BEST3: variants seen among roughly 807,000 people sequenced by gnomAD.
BEST3 encodes bestrophin-3.
BEST3 carries 50 observed loss-of-function variants against 47.1 expected under a neutral mutation model. The observed-to-expected ratio is 1.06, with a 90% CI of 0.85 to 1.34. The LOEUF is 1.34. Among genes scored for constraint, BEST3 ranks in the 40% most tolerant of loss-of-function variants. BEST3 has a pLI of 0.00. For missense variants in BEST3, 765 were observed against 817.0 expected (o/e 0.94, Z 0.78); for synonymous variants, 282 against 298.8 (o/e 0.94, Z 0.58).
chr12:69,698,172 C>A (rs1230784343), intron 1 of BEST3, among the ~76,000 whole-genome samples: 1 of 152,166 alleles, frequency 6.6e-6, no homozygotes, highest in Non-Finnish European at 1.5e-5. Context: ...GGTTTGATTG[C>A]ATGTAGATGT....
chr12:69,675,958 CATT>C (rs1367577620), intron 7 of BEST3, among the ~76,000 whole-genome samples: 3 of 152,200 alleles, frequency 2.0e-5, no homozygotes, highest in Non-Finnish European at 4.4e-5. Context: ...TGCATATCAT[CATT>C]GCCTTTGAAT....
intron 9 of BEST3, among the ~76,000 whole-genome samples, chr12:69,667,103 TA>T (rs1884270012): frequency 6.6e-6 from 1 of 152,178 alleles, no homozygotes; most frequent in African/African-American, 2.4e-5. Context: ...ACCTGGCCTA[TA>T]AAACCCTCCA....
chr12:69,676,922 C>T lies in BEST3; in HGVS notation c.861G>A (p.Trp287Ter), dbSNP rs759601669. 14 of 1,613,420 alleles carry T rather than the reference C, an allele frequency of 8.7e-6. No homozygotes were observed. Among genetic ancestry groups the T allele is most frequent in the Non-Finnish European group, 1.2e-5 (14 of 1,179,738 alleles). The change falls in exon 7 of 10, where the codon TGG (tryptophan) becomes TGA (stop). Residue 287 changes from tryptophan (W) to a stop codon, truncating the protein, a stop_gained. Coordinates refer to ENST00000330891, the MANE Select transcript of BEST3 (RefSeq NM_032735.3). LOFTEE classifies it high-confidence loss of function. ...TLLQFFFYAG[W>*]LKVAEQLINP... ...CCCTGAGACCACTGGCTACCTTAAG[C>T]CATCCTGCATAGAAGAAGAATTGTA...
intron 9 of BEST3, among the ~76,000 whole-genome samples, chr12:69,645,756 T>C (rs760041714): frequency 6.6e-6 from 1 of 151,874 alleles, no homozygotes; most frequent in Admixed American, 6.6e-5. Flanking sequence ...ATTGAAGTGA[T>C]ATATATAAAA....
At position 69,655,729 on chromosome 12, in the gene BEST3, G is replaced by A; in HGVS notation, c.1185C>T (p.Val395=). The A allele has an allele frequency of 6.2e-7, 1 of 1,613,898 alleles. No homozygotes were observed. The highest frequency in any genetic ancestry group is 2.2e-5 in the East Asian group (1 of 44,866). ...GTTCGTGGGCACTCAGGAACCGCTT[G>A]ACTCTTCTTATCATGGAATGCCGAT... ...HGHRHSMIRR[V]KRFLSAHEHP... The change falls in exon 10 of 10, where the codon GTC becomes GTT. Residue 395 remains valine, a synonymous_variant. Coordinates refer to ENST00000330891, the MANE Select transcript of BEST3 (RefSeq NM_032735.3).
chr12:69,643,780 T>A, exon 10 of BEST3: 1 of 715,444 alleles, frequency 1.4e-6, no homozygotes, highest in Non-Finnish European at 2.6e-6. Flanking sequence ...TTCTTAGGCA[T>A]CTGTTTCCTG....
At chr12:69,643,894 A>T (rs1487256489) in intron 9 of BEST3, 2 of 522,008 alleles carry the variant, frequency 3.8e-6, no homozygotes, top group Admixed American at 3.4e-5. Flanking sequence ...AGGCCACCAC[A>T]CATTTAATGT....
chr12:69,675,133 T>A (rs1478879263), intron 7 of BEST3, among the ~76,000 whole-genome samples: 2 of 152,060 alleles, frequency 1.3e-5, no homozygotes, highest in South Asian at 2.1e-4. Flanking sequence ...TTATTTTTTT[T>A]ATTTTAGACA....
Position 69,672,981 on chromosome 12 carries a change from T to G in BEST3, c.868-16A>C, listed in dbSNP as rs765761200. 1.8e-5 allele frequency: 28 copies of G among 1,588,996 alleles called. No individual in the cohort carries two copies. The highest frequency in any genetic ancestry group is 2.2e-5 in the East Asian group (1 of 44,728). ...GCTCTGCTACCTGTAGTTGAGAACATAAAATAAATCCATCATGATACCTGT... is the reference window on the plus strand; with the variant it reads ...GCTCTGCTACCTGTAGTTGAGAACAGAAAATAAATCCATCATGATACCTGT... On this transcript the variant is annotated splice_polypyrimidine_tract_variant and intron_variant, in intron 7 of 9. Transcript: ENST00000330891.
intron 9 of BEST3, among the ~76,000 whole-genome samples, chr12:69,657,186 C>G (rs1458505618): frequency 6.7e-6 from 1 of 150,106 alleles, no homozygotes; most frequent in African/African-American, 2.5e-5. Context: ...ACCTCTGTCT[C>G]CCAGGTTCAA....
rs780627201 is a variant in BEST3, at chr12:69,678,819, T to A, written c.556A>T (p.Ile186Phe). Residue 186 changes from isoleucine (I) to phenylalanine (F), a missense_variant, in exon 5 of 10, where the codon ATC (isoleucine) becomes TTC (phenylalanine). By Grantham distance (21) the Ile-to-Phe change is conservative. Coordinates refer to ENST00000330891, the MANE Select transcript of BEST3 (RefSeq NM_032735.3). ...TTAGTTGCAAGATTTCCAAACCAGATGAATGGAACCCAATATTTCAGATGA... is the reference window on the plus strand; with the variant it reads ...TTAGTTGCAAGATTTCCAAACCAGAAGAATGGAACCCAATATTTCAGATGA... Reference protein sequence around the residue: ...SPHLKYWVPFIWFGNLATKAR... With the variant: ...SPHLKYWVPFFWFGNLATKAR... 12 of 1,613,858 alleles carry A rather than the reference T, an allele frequency of 7.4e-6. No homozygotes were observed. In the African/African-American group the frequency reaches 1.5e-4, roughly 20 times the overall value.
At chr12:69,657,896 C>G (rs1287171007) in intron 9 of BEST3, among the ~76,000 whole-genome samples, 1 of 152,136 alleles carries the variant, frequency 6.6e-6, no homozygotes, top group Non-Finnish European at 1.5e-5. Flanking sequence ...GCCTTCTGAC[C>G]CACCCTCCAC....
chr12:69,697,771 CT>C lies in BEST3; in HGVS notation c.27del (p.Ala10GlnfsTer37). The C allele has an allele frequency of 6.8e-6, 11 of 1,612,370 alleles. No homozygotes were observed. The highest frequency in any genetic ancestry group is 9.3e-6 in the Non-Finnish European group (11 of 1,179,362). MTVTYSSK[V>X]ANATFFGFHR... The stretch of plus-strand genomic sequence containing the variant: ...TGAAATCCAAAAAAAGTTGCATTTG[CT>C]ACTTTACTGGAGTAAGTGACAGTCA... On this transcript the variant is annotated frameshift_variant, in exon 2 of 10. Coordinates refer to ENST00000330891, the MANE Select transcript of BEST3 (RefSeq NM_032735.3). LOFTEE classifies it high-confidence loss of function.
intron 4 of BEST3, among the ~76,000 whole-genome samples, chr12:69,686,786 A>AAAAAAAAAAAAAAAAAAG (rs371159662): frequency 7.7e-5 from 11 of 143,274 alleles, no homozygotes; most frequent in South Asian, 2.2e-4. Flanking sequence ...AAACAAAAAA[A>AAAAAAAAAAAAAAAAAAG]AAAGAAAGAA....
rs868402513 is a variant in BEST3, at chr12:69,655,652, G to C, written c.1262C>G (p.Ser421Cys). 1 of 1,613,936 alleles carries C rather than the reference G, an allele frequency of 6.2e-7. No homozygotes were observed. The highest frequency in any genetic ancestry group is 1.7e-5 in the Admixed American group (1 of 59,994). ...RSYRRQTSDS[S>C]MFLPRDDLSP... is the part of the protein sequence containing the mutation. ...GAGGTCATCTCGGGGTAAGAACATG[G>C]AGCTGTCACTTGTCTGCCTCCTGTA... is the stretch of plus-strand genomic sequence containing the variant. The change falls in exon 10 of 10, where the codon TCC becomes TGC. Residue 421 changes from serine (S) to cysteine (C), a missense_variant. Ser to Cys is a moderately radical substitution (Grantham distance 112, BLOSUM62 -1). Transcript: ENST00000330891.
chr12:69,665,892 A>G (rs1379625316), intron 9 of BEST3, among the ~76,000 whole-genome samples: 1 of 152,144 alleles, frequency 6.6e-6, no homozygotes, highest in Non-Finnish European at 1.5e-5. Flanking sequence ...TTGCTTTACC[A>G]TGATCAAATG....
At chr12:69,693,964 C>T (rs1886035021) in intron 3 of BEST3, 57 bp from the exon 4 acceptor site, 1 of 1,306,914 alleles carries the variant, frequency 7.7e-7, no homozygotes, top group Admixed American at 2.2e-5. Flanking sequence ...GTTGGTGACA[C>T]TGATGCTTTT....
chr12:69,656,128 T>A (rs1565821739), intron 9 of BEST3, among the ~76,000 whole-genome samples: 1 of 152,228 alleles, frequency 6.6e-6, no homozygotes, highest in Non-Finnish European at 1.5e-5. Flanking sequence ...TTCCGTTGAC[T>A]GCTAAGTGAT....
At chr12:69,695,459 T>C (rs772417985) in intron 2 of BEST3, among the ~76,000 whole-genome samples, 4 of 152,118 alleles carry the variant, frequency 2.6e-5, no homozygotes, top group Admixed American at 2.0e-4. Flanking sequence ...GGGTACAGGG[T>C]GAGCTTGGAG....
Sources: allele counts gnomAD v4.1 joint callset (sites outside exome capture counted in the v4.1 genomes callset), GRCh38; gene constraint gnomAD v4.1.1; transcripts MANE v1.5; gene names NCBI Gene and HGNC (gene_info 2026-07-23, HGNC 2026-07-21).